PIK3CG: variants seen among roughly 807,000 people sequenced by gnomAD.
PIK3CG encodes the protein phosphatidylinositol-4,5-bisphosphate 3-kinase catalytic subunit gamma.
In PIK3CG, 55 loss-of-function variants were observed where a neutral mutation model predicts 102.3. The observed-to-expected ratio is 0.54, with a 90% CI of 0.43 to 0.67. PIK3CG has a LOEUF of 0.67. Among genes scored for constraint, PIK3CG ranks in the 30% least tolerant of loss-of-function variants. PIK3CG has a pLI of 0.00. For synonymous variants in PIK3CG, 552 were observed against 540.0 expected (o/e 1.02, Z -0.31); for missense variants, 1,258 against 1,391.8 (o/e 0.90, Z 1.53).
intron 10 of PIK3CG, among the ~76,000 whole-genome samples, chr7:106,901,476 T>C (rs1791552244): frequency 6.6e-6 from 1 of 152,256 alleles, no homozygotes; most frequent in Non-Finnish European, 1.5e-5. Context: ...ATTGTGATTC[T>C]TATTTTCCTT....
rs139361926 is a variant in PIK3CG, at chr7:106,884,225, T to G, written c.2831T>G (p.Ile944Arg). The G allele has an allele frequency of 1.2e-6, 2 of 1,613,802 alleles. No individual in the cohort carries two copies. The highest frequency in any genetic ancestry group is 8.5e-7 in the Non-Finnish European group (1 of 1,179,856). ...TGTGTGGCAACCTTTGTTCTTGGAATAGGCGACAGACACAATGACAATATT... is the reference window on the plus strand; with the variant it reads ...TGTGTGGCAACCTTTGTTCTTGGAAGAGGCGACAGACACAATGACAATATT... ...GYCVATFVLG[I>R]GDRHNDNIMI... Residue 944 changes from isoleucine (I) to arginine (R), a missense_variant, in exon 9 of 11, where the codon ATA (isoleucine) becomes AGA (arginine). Physicochemically the swap from Ile to Arg is moderately conservative, Grantham distance 97. Coordinates refer to ENST00000496166, the MANE Select transcript of PIK3CG (RefSeq NM_001282426.2). The surrounding 1 kb of genome is among the most constrained non-coding windows in gnomAD (Gnocchi z 4.2).
rs1361286609 is a variant in PIK3CG at position 106,884,048 on chromosome 7, C to T, written c.2761-107C>T. ...AATGAAATCAGGCACAACTAACTTG[C>T]TCTCTGAAAATGGTTTCCAGAATAT... On this transcript the variant is annotated intron_variant, in intron 8 of 10. Coordinates refer to ENST00000496166, the MANE Select transcript of PIK3CG (RefSeq NM_001282426.2). This position sits in a 1 kb window ranked among gnomAD's most constrained non-coding sequence, Gnocchi z 4.2. 4.4e-5 allele frequency: 36 copies of T among 818,036 alleles called. No homozygotes were observed. The highest frequency in any genetic ancestry group is 6.7e-5 in the Non-Finnish European group (33 of 495,634). 50.7% of individuals were successfully genotyped at this position (818,036 alleles called of 1,614,324 possible). A position where few individuals can be genotyped will look rare whatever the true frequency, so the allele number is the denominator to read the frequency against.
At chr7:106,882,382 A>G (rs1273814232) in intron 7 of PIK3CG, among the ~76,000 whole-genome samples, 175 bp downstream of exon 7, 3 of 152,370 alleles carry the variant, frequency 2.0e-5, no homozygotes, top group East Asian at 3.9e-4. Context: ...TATATTGAAA[A>G]TACATGAATG....
rs1790876811 is a variant in PIK3CG, at chr7:106,879,697, C to G, written c.2538+32C>G. 1 of 1,542,150 alleles carries G rather than the reference C, an allele frequency of 6.5e-7. No individual in the cohort carries two copies. Among genetic ancestry groups the G allele is most frequent in the Non-Finnish European group, 8.9e-7 (1 of 1,118,086 alleles). On this transcript the variant is annotated intron_variant, in intron 6 of 10. Transcript: ENST00000496166. The surrounding 1 kb of genome is among the most constrained non-coding windows in gnomAD (Gnocchi z 4.9). Reference sequence around the variant, plus strand: ...TAATTTTAAGATTGTTTTCAATTATCTGAAAACAATTCTATATTACATCAA... The same window carrying G: ...TAATTTTAAGATTGTTTTCAATTATGTGAAAACAATTCTATATTACATCAA...
Position 106,879,796 on chromosome 7 carries a change from C to T in PIK3CG, c.2538+131C>T. On this transcript the variant is annotated intron_variant, in intron 6 of 10. Coordinates refer to ENST00000496166, the MANE Select transcript of PIK3CG (RefSeq NM_001282426.2). This position sits in a 1 kb window ranked among gnomAD's most constrained non-coding sequence, Gnocchi z 4.9. The stretch of plus-strand genomic sequence containing the variant: ...GATGAATTGTGATCAAATATTACAT[C>T]ATAGAGAGTTTTCACTTGGGGAATT... 1.4e-6 allele frequency: 1 copy of T among 708,986 alleles called. No individual in the cohort carries two copies. Among genetic ancestry groups the T allele is most frequent in the South Asian group, 1.9e-5 (1 of 52,800 alleles). 43.9% of individuals were successfully genotyped at this position (708,986 alleles called of 1,614,324 possible).
chr7:106,894,618 A>G lies in PIK3CG; in HGVS notation c.3030+8326A>G, dbSNP rs1018490719. 2.0e-5 allele frequency among the ~76,000 whole-genome samples: 3 copies of G among 152,208 alleles called. No individual in the cohort carries two copies. The highest frequency in any genetic ancestry group is 2.9e-5 in the Non-Finnish European group (2 of 68,034). ...ATGCATTGATTTTTATTAAAAAAAC[A>G]AAATAACAAAATAAAATTCTCTGCC... On this transcript the variant is annotated intron_variant, in intron 10 of 10. Transcript: ENST00000496166. The surrounding 1 kb of genome is among the most constrained non-coding windows in gnomAD (Gnocchi z 4.4).
At position 106,868,179 on chromosome 7, in the gene PIK3CG, C is replaced by T. The variant is rs2116432741; in HGVS notation, c.618C>T (p.Pro206=). 1 of 1,612,710 alleles carries T rather than the reference C, an allele frequency of 6.2e-7. No individual in the cohort carries two copies. The highest frequency in any genetic ancestry group is 8.5e-7 in the Non-Finnish European group (1 of 1,180,030). The stretch of plus-strand genomic sequence containing the variant: ...TGCACCCGTGGGTGACGTCCAAGCC[C>T]CTCCCGGAGTACCTGTGGAAGAAGA... ...YAMHPWVTSK[P]LPEYLWKKIA... is the part of the protein sequence containing the mutation. The change falls in exon 2 of 11, where the codon CCC becomes CCT. Residue 206 remains proline (P), a synonymous_variant. Coordinates refer to ENST00000496166, the MANE Select transcript of PIK3CG (RefSeq NM_001282426.2). The surrounding 1 kb of genome is among the most constrained non-coding windows in gnomAD (Gnocchi z 6.2).
Position 106,903,184 on chromosome 7 carries a change from G to A in PIK3CG, c.3031-1925G>A, listed in dbSNP as rs1013429331. ...TTGGGAGAAGACTACTTACTGGTTC[G>A]CACTGTTTTTAATAATGTAGTTTTA... On this transcript the variant is annotated intron_variant, in intron 10 of 10. Coordinates refer to ENST00000496166, the MANE Select transcript of PIK3CG (RefSeq NM_001282426.2). The surrounding 1 kb of genome is among the most constrained non-coding windows in gnomAD (Gnocchi z 4.3). Among the ~76,000 whole-genome samples the A allele has an allele frequency of 5.9e-5, 9 of 151,944 alleles. No individual in the cohort carries two copies. The highest frequency in any genetic ancestry group is 1.7e-4 in the African/African-American group (7 of 41,370).
At chr7:106,889,205 C>A (rs1038064192) in intron 10 of PIK3CG, among the ~76,000 whole-genome samples, 5 of 152,284 alleles carry the variant, frequency 3.3e-5, no homozygotes, top group South Asian at 4.1e-4. Flanking sequence ...CTTACTCTCT[C>A]CCTGTGTTCC....
At position 106,872,802 on chromosome 7, in the gene PIK3CG, G is replaced by A. The variant is rs368535091; in HGVS notation, c.2151G>A (p.Leu717=). 1.2e-6 allele frequency: 2 copies of A among 1,614,144 alleles called. No individual in the cohort carries two copies. The highest frequency in any genetic ancestry group is 1.7e-6 in the Non-Finnish European group (2 of 1,179,996). Reference sequence around the variant, plus strand: ...ATCAGCAGAGGTTCGCTGTGATTCTGGAAGCCTATCTGAGGGGCTGTGGCA... The same window carrying A: ...ATCAGCAGAGGTTCGCTGTGATTCTAGAAGCCTATCTGAGGGGCTGTGGCA... ...RHYQQRFAVI[L]EAYLRGCGTA... The change falls in exon 4 of 11, where the codon CTG becomes CTA. Residue 717 remains leucine, a synonymous_variant. Coordinates refer to ENST00000496166, the MANE Select transcript of PIK3CG (RefSeq NM_001282426.2). This position sits in a 1 kb window ranked among gnomAD's most constrained non-coding sequence, Gnocchi z 5.3.
Position 106,872,426 on chromosome 7 carries a change from T to G in PIK3CG, c.1996-111T>G. On this transcript the variant is annotated intron_variant, in intron 2 of 10. Transcript: ENST00000496166. This position sits in a 1 kb window ranked among gnomAD's most constrained non-coding sequence, Gnocchi z 5.3. ...AAGTGACTGTTAAGATTTTCATCTT[T>G]CTAGCCGTGAAGACCCAGTAAAGCA... The G allele has an allele frequency of 3.6e-6, 3 of 835,992 alleles. No individual in the cohort carries two copies. Among genetic ancestry groups the G allele is most frequent in the Non-Finnish European group, 6.0e-6 (3 of 500,012 alleles). The allele number at this position is 835,992 out of a possible 1,614,324, so 51.8% of individuals were successfully genotyped here.
rs1791587703 is a variant in PIK3CG, at chr7:106,902,594, G to A, written c.3031-2515G>A. 6.7e-6 allele frequency among the ~76,000 whole-genome samples: 1 copy of A among 150,024 alleles called. No homozygotes were observed. The highest frequency in any genetic ancestry group is 2.4e-5 in the African/African-American group (1 of 41,028). On this transcript the variant is annotated intron_variant, in intron 10 of 10. Coordinates refer to ENST00000496166, the MANE Select transcript of PIK3CG (RefSeq NM_001282426.2). The surrounding 1 kb of genome is among the most constrained non-coding windows in gnomAD (Gnocchi z 4.3). ...AGGTAAATTTTCCATCTCATTTTAA[G>A]TTACTTTTTTTAATATTAATGAAGT... is the stretch of plus-strand genomic sequence containing the variant.
In PIK3CG at chr7:106,905,707, T is replaced by A. The variant is rs1477602495; in HGVS notation, c.*320T>A. On this transcript the variant is annotated 3_prime_UTR_variant, in exon 11 of 11. Transcript: ENST00000496166. The surrounding 1 kb of genome is among the most constrained non-coding windows in gnomAD (Gnocchi z 5.6). ...TTTTGACTATCTTACTATTGAGTGCTTCTGGAAATTCTTTGGAATAATTGA... is the reference window on the plus strand; with the variant it reads ...TTTTGACTATCTTACTATTGAGTGCATCTGGAAATTCTTTGGAATAATTGA... 3.3e-6 allele frequency: 1 copy of A among 301,168 alleles called. No individual in the cohort carries two copies. Among genetic ancestry groups the A allele is most frequent in the Non-Finnish European group, 6.1e-6 (1 of 163,000 alleles). The allele number at this position is 301,168 out of a possible 1,614,324, so 18.7% of individuals were successfully genotyped here.
rs1023731799 is a variant in PIK3CG at position 106,883,436 on chromosome 7, A to G, written c.2760+273A>G. ...TGCTTAAAATTTGGTTCTGTAAAAT[A>G]ATCTGTTAGCACTTTTTATGGCTAT... On this transcript the variant is annotated intron_variant, in intron 8 of 10. Transcript: ENST00000496166. This position sits in a 1 kb window ranked among gnomAD's most constrained non-coding sequence, Gnocchi z 5.8. Among the ~76,000 whole-genome samples the G allele has an allele frequency of 6.6e-6, 1 of 152,202 alleles. No homozygotes were observed. The highest frequency in any genetic ancestry group is 1.5e-5 in the Non-Finnish European group (1 of 68,030).
rs1389374916 is a variant in PIK3CG at position 106,907,871 on chromosome 7, G to C, written c.*2484G>C. Among the ~76,000 whole-genome samples the C allele has an allele frequency of 7.0e-6, 1 of 143,086 alleles. No homozygotes were observed. The highest frequency in any genetic ancestry group is 2.1e-4 in the East Asian group (1 of 4,802). The allele number at this position is 143,086 out of a possible 152,430, so 93.9% of individuals were successfully genotyped here. ...ATATATATATATCACAGTTGGGCTT[G>C]ATTCTTCCGTATTCCAAAGAGCATA... On this transcript the variant is annotated 3_prime_UTR_variant, in exon 11 of 11. Transcript: ENST00000496166.
At position 106,872,560 on chromosome 7, in the gene PIK3CG, T is replaced by C. The variant is rs2116482122; in HGVS notation, c.2019T>C (p.His673=). ...LVQAVKFEPY[H]DSALARFLLK... is the part of the protein sequence containing the mutation. The stretch of plus-strand genomic sequence containing the variant: ...AGGCTGTGAAATTTGAACCATACCA[T>C]GATAGCGCCCTTGCCAGATTTCTGC... Residue 673 remains histidine, a synonymous_variant, in exon 3 of 11, where the codon CAT becomes CAC. Coordinates refer to ENST00000496166, the MANE Select transcript of PIK3CG (RefSeq NM_001282426.2). The surrounding 1 kb of genome is among the most constrained non-coding windows in gnomAD (Gnocchi z 5.3). The C allele has an allele frequency of 6.2e-7, 1 of 1,613,864 alleles. No homozygotes were observed. Among genetic ancestry groups the C allele is most frequent in the Non-Finnish European group, 8.5e-7 (1 of 1,179,702 alleles).
At position 106,893,360 on chromosome 7, in the gene PIK3CG, A is replaced by G. The variant is rs1791316194; in HGVS notation, c.3030+7068A>G. ...AATATGTTGGTGTGATATCTCCCCC[A>G]TATGCAGACTTGTGCGGCTTGTCAA... On this transcript the variant is annotated intron_variant, in intron 10 of 10. Transcript: ENST00000496166. This position sits in a 1 kb window ranked among gnomAD's most constrained non-coding sequence, Gnocchi z 4.4. 6.6e-6 allele frequency among the ~76,000 whole-genome samples: 1 copy of G among 152,184 alleles called. No individual in the cohort carries two copies. The highest frequency in any genetic ancestry group is 2.1e-4 in the South Asian group (1 of 4,828).
Position 106,895,682 on chromosome 7 carries a change from C to A in PIK3CG, c.3030+9390C>A, listed in dbSNP as rs1450663993. Among the ~76,000 whole-genome samples, 1 of 152,120 alleles carries A rather than the reference C, an allele frequency of 6.6e-6. No individual in the cohort carries two copies. Among genetic ancestry groups the A allele is most frequent in the Non-Finnish European group, 1.5e-5 (1 of 68,024 alleles). On this transcript the variant is annotated intron_variant, in intron 10 of 10. Coordinates refer to ENST00000496166, the MANE Select transcript of PIK3CG (RefSeq NM_001282426.2). This position sits in a 1 kb window ranked among gnomAD's most constrained non-coding sequence, Gnocchi z 5.4. ...TCTAGAGGGACAGTGAGCCCCTTAG[C>A]GTTGAACAGTATGTGTATTCAATAA...
chr7:106,872,495 A>C lies in PIK3CG; in HGVS notation c.1996-42A>C. On this transcript the variant is annotated intron_variant, in intron 2 of 10. Transcript: ENST00000496166. The surrounding 1 kb of genome is among the most constrained non-coding windows in gnomAD (Gnocchi z 5.3). ...ATTTCCTTTTCCCTGATTCAACGACATAGAGTACAGTCCTACAAATGCCAA... is the reference window on the plus strand; with the variant it reads ...ATTTCCTTTTCCCTGATTCAACGACCTAGAGTACAGTCCTACAAATGCCAA... The C allele has an allele frequency of 6.7e-7, 1 of 1,490,186 alleles. No individual in the cohort carries two copies. Among genetic ancestry groups the C allele is most frequent in the Non-Finnish European group, 9.4e-7 (1 of 1,067,884 alleles). 92.3% of individuals were successfully genotyped at this position (1,490,186 alleles called of 1,614,324 possible). A position where few individuals can be genotyped will look rare whatever the true frequency, so the allele number is the denominator to read the frequency against.
Sources: gnomAD v4.1 joint callset for allele counts (sites outside exome capture counted in the v4.1 genomes callset) on GRCh38, gnomAD v4.1.1 for gene constraint, Gnocchi (gnomAD v3.1) non-coding constraint, MANE v1.5 for transcripts, NCBI Gene and HGNC (gene_info 2026-07-23, HGNC 2026-07-21) for gene names.